Variants in GPR158 observed in about 807,000 individuals in gnomAD.
The protein encoded by GPR158 is metabotropic glycine receptor.
In GPR158, 30 loss-of-function variants were observed where a neutral mutation model predicts 78.2. The ratio of observed to expected loss-of-function variants is 0.38; its 90% CI spans 0.29 to 0.52. GPR158 has a LOEUF of 0.52. Among genes scored for constraint, GPR158 ranks in the 20% least tolerant of loss-of-function variants. The pLI is 0.83. For synonymous variants in GPR158, 581 were observed against 591.1 expected, an observed-to-expected ratio of 0.98 and a Z score of 0.25; for missense variants, 1,463 against 1,523.5, an observed-to-expected ratio of 0.96 and a Z score of 0.66.
intron 5 of GPR158, among the ~76,000 whole-genome samples, chr10:25,506,220 G>A (rs1372534910): frequency 6.6e-6 from 1 of 152,172 alleles, no homozygotes; most frequent in Non-Finnish European, 1.5e-5. Flanking sequence ...AGGAATTTCA[G>A]GAAATGTTTA....
At chr10:25,292,295 A>G (rs1297898005) in intron 2 of GPR158, among the ~76,000 whole-genome samples, 2 of 152,280 alleles carry the variant, frequency 1.3e-5, no homozygotes, top group Non-Finnish European at 1.5e-5. Context: ...TCAGTTTTCT[A>G]TAATGCATTT....
intron 2 of GPR158, among the ~76,000 whole-genome samples, chr10:25,326,814 A>G (rs1245489494): frequency 6.6e-6 from 1 of 152,224 alleles, no homozygotes; most frequent in African/African-American, 2.4e-5. Context: ...TAATTTCACA[A>G]CATATACATA....
chr10:25,317,490 TG>T (rs1854871030), intron 2 of GPR158, among the ~76,000 whole-genome samples: 1 of 149,602 alleles, frequency 6.7e-6, no homozygotes, highest in Non-Finnish European at 1.5e-5. Context: ...ATTTCTTTTC[TG>T]AGTTCAAAAA....
intron 2 of GPR158, among the ~76,000 whole-genome samples, chr10:25,339,080 G>A (rs918243500): frequency 6.7e-6 from 1 of 149,444 alleles, no homozygotes; most frequent in African/African-American, 2.5e-5. Context: ...CTGGAGTGCA[G>A]CTCAAGTGAT....
chr10:25,430,456 AATGCCAT>A, intron 4 of GPR158, among the ~76,000 whole-genome samples: 3 of 149,444 alleles, frequency 2.0e-5, no homozygotes, highest in African/African-American at 7.4e-5. Context: ...TTACAGATTC[AATGCCAT>A]CCCCATCGAG....
intron 2 of GPR158, among the ~76,000 whole-genome samples, chr10:25,280,124 G>T (rs1854247737): frequency 6.6e-6 from 1 of 152,156 alleles, no homozygotes; most frequent in East Asian, 1.9e-4. Flanking sequence ...TGGAACAAAA[G>T]AATTCACTAA....
At chr10:25,363,183 C>T (rs1322855194) in intron 2 of GPR158, among the ~76,000 whole-genome samples, 2 of 152,040 alleles carry the variant, frequency 1.3e-5, no homozygotes, top group Admixed American at 1.3e-4. Flanking sequence ...CATACCATAA[C>T]TTTGCAGTGA....
At chr10:25,209,112 C>T (rs535789262) in intron 1 of GPR158, among the ~76,000 whole-genome samples, 219 of 152,294 alleles carry the variant, frequency 1.4e-3, no homozygotes, top group Non-Finnish European at 2.7e-3. Flanking sequence ...CTCAGCCTCC[C>T]AAAGTGCTGG....
chr10:25,538,507 G>A (rs1836530762), intron 5 of GPR158, among the ~76,000 whole-genome samples: 1 of 152,048 alleles, frequency 6.6e-6, no homozygotes, highest in Non-Finnish European at 1.5e-5. Flanking sequence ...TAAGAGATGG[G>A]TTTTCACTAT....
chr10:25,300,236 CCT>C (rs1854573259), intron 2 of GPR158, among the ~76,000 whole-genome samples: 1 of 152,166 alleles, frequency 6.6e-6, no homozygotes, highest in South Asian at 2.1e-4. Context: ...GAATGTTTCC[CCT>C]GTCTTTCCCA....
chr10:25,322,491 T>G, intron 2 of GPR158, among the ~76,000 whole-genome samples: 1 of 152,252 alleles, frequency 6.6e-6, no homozygotes, highest in Admixed American at 6.5e-5. Context: ...TTTGTATCTT[T>G]ACAAAATTTT....
chr10:25,465,999 T>C (rs1835416224), intron 4 of GPR158, among the ~76,000 whole-genome samples: 1 of 152,178 alleles, frequency 6.6e-6, no homozygotes. Flanking sequence ...GTTTAAGCTC[T>C]AGCTGCAGCC....
intron 2 of GPR158, among the ~76,000 whole-genome samples, chr10:25,290,273 CAT>C (rs1299522314): frequency 5.9e-5 from 9 of 152,236 alleles, no homozygotes; most frequent in Non-Finnish European, 1.2e-4. Flanking sequence ...ATTTTTTTCA[CAT>C]GATATAAATT....
chr10:25,513,518 T>C (rs2130671862), intron 5 of GPR158, among the ~76,000 whole-genome samples: 1 of 152,052 alleles, frequency 6.6e-6, no homozygotes, highest in East Asian at 1.9e-4. Flanking sequence ...TCAATTTTAT[T>C]TAGCACTGCT....
intron 2 of GPR158, among the ~76,000 whole-genome samples, chr10:25,324,484 C>T (rs899506230): frequency 1.3e-5 from 2 of 152,194 alleles, no homozygotes; most frequent in Admixed American, 6.5e-5. Context: ...ATTATATGGG[C>T]ATGGTTCATG....
At chr10:25,368,325 A>C (rs1053208430) in intron 2 of GPR158, among the ~76,000 whole-genome samples, 1 of 151,886 alleles carries the variant, frequency 6.6e-6, no homozygotes, top group African/African-American at 2.4e-5. Context: ...GAATGGGAGA[A>C]AATATTTGCA....
intron 5 of GPR158, among the ~76,000 whole-genome samples, chr10:25,539,968 C>T (rs1050264555): frequency 6.6e-6 from 1 of 152,124 alleles, no homozygotes; most frequent in Non-Finnish European, 1.5e-5. Context: ...TTAATTAGAT[C>T]CTCTGCACAG....
At chr10:25,347,636 G>A (rs1855391141) in intron 2 of GPR158, among the ~76,000 whole-genome samples, 1 of 151,942 alleles carries the variant, frequency 6.6e-6, no homozygotes, top group Non-Finnish European at 1.5e-5. Flanking sequence ...CTAGAAAATT[G>A]GAAGATACTC....
intron 5 of GPR158, among the ~76,000 whole-genome samples, chr10:25,538,405 G>C (rs1302708982): frequency 6.6e-6 from 1 of 152,108 alleles, no homozygotes; most frequent in Non-Finnish European, 1.5e-5. Flanking sequence ...TCAATTCAGG[G>C]TAATAAACAG....
Sources: allele counts gnomAD v4.1 joint callset (sites outside exome capture counted in the v4.1 genomes callset), GRCh38; gene constraint gnomAD v4.1.1; transcripts MANE v1.5; gene names NCBI Gene and HGNC (gene_info 2026-07-23, HGNC 2026-07-21).